Variants in FGF14 observed in about 807,000 individuals in gnomAD.
The protein encoded by FGF14 is fibroblast growth factor 14, also known as fibroblast growth factor homologous factor 4.
A neutral mutation model predicts 25.5 loss-of-function variants in FGF14; 5 were observed. The observed-to-expected ratio is 0.20, with a 90% CI of 0.10 to 0.41. The LOEUF is 0.41. FGF14 is among the 10% of genes least tolerant of loss of function. FGF14 has a pLI of 1.00. For synonymous variants in FGF14, 138 were observed against 118.3 expected (o/e 1.17, Z -1.08); for missense variants, 222 against 320.1 (o/e 0.69, Z 2.34).
rs529580796 is a variant in FGF14, at chr13:102,343,310, T to C, written c.208+58161A>G. Among the ~76,000 whole-genome samples, 12 of 152,276 alleles carry C rather than the reference T, an allele frequency of 7.9e-5. No individual in the cohort carries two copies. The East Asian group carries it at 1.7e-3, about 22-fold the overall frequency. ...GCAGATTATTGGTGCAAAGGAGGGA[T>C]TGGTCAATCCCTGGGGAGGATGAAC... On this transcript the variant is annotated intron_variant, in intron 1 of 4. Transcript: ENST00000376131.
At chr13:102,289,156 CCTT>C (rs1879385045) in intron 1 of FGF14, among the ~76,000 whole-genome samples, 1 of 152,158 alleles carries the variant, frequency 6.6e-6, no homozygotes, top group Non-Finnish European at 1.5e-5. Context: ...GTTCATCACT[CCTT>C]GAGTGTGGTC....
chr13:102,223,521 T>C (rs115341987), intron 1 of FGF14, among the ~76,000 whole-genome samples: 1,531 of 152,344 alleles, frequency 0.01, 31 homozygotes, highest in African/African-American at 0.034. Flanking sequence ...TTTGATATGA[T>C]AGTTTTATTC....
At chr13:102,260,812 T>C (rs2052682154) in intron 1 of FGF14, among the ~76,000 whole-genome samples, 1 of 152,210 alleles carries the variant, frequency 6.6e-6, no homozygotes, top group Admixed American at 6.5e-5. Flanking sequence ...GACATCCTGT[T>C]TCCGTGCTTA....
At chr13:101,906,669 GATAAT>G (rs2032286905) in intron 1 of FGF14, among the ~76,000 whole-genome samples, 1 of 152,116 alleles carries the variant, frequency 6.6e-6, no homozygotes. Flanking sequence ...CAATGGAAGA[GATAAT>G]ATTATCATGT....
At chr13:101,824,162 A>G (rs1462868748) in intron 3 of FGF14, among the ~76,000 whole-genome samples, 1 of 152,080 alleles carries the variant, frequency 6.6e-6, no homozygotes, top group Non-Finnish European at 1.5e-5. Context: ...CTTTTTTTTA[A>G]CACTTTAATG....
intron 1 of FGF14, among the ~76,000 whole-genome samples, chr13:102,286,622 T>A (rs1423097890): frequency 6.6e-6 from 1 of 152,192 alleles, no homozygotes; most frequent in Non-Finnish European, 1.5e-5. Flanking sequence ...GTGAATGTCA[T>A]AACTTCCATC....
intron 1 of FGF14, among the ~76,000 whole-genome samples, chr13:101,879,454 C>A (rs1402377495): frequency 1.3e-5 from 2 of 152,156 alleles, no homozygotes; most frequent in East Asian, 3.8e-4. Flanking sequence ...AAATACACAA[C>A]ATTTTTAATT....
chr13:101,745,504 A>T (rs2036830555), intron 3 of FGF14, among the ~76,000 whole-genome samples: 1 of 152,100 alleles, frequency 6.6e-6, no homozygotes. Context: ...TGTCCCACAC[A>T]TTCATCAATT....
chr13:102,176,334 G>C (rs939988928), intron 1 of FGF14, among the ~76,000 whole-genome samples: 15 of 151,996 alleles, frequency 9.9e-5, no homozygotes, highest in Non-Finnish European at 2.1e-4. Flanking sequence ...ACCAAATACC[G>C]TATGTCCTCA....
At chr13:102,345,813 C>A (rs956516842) in intron 1 of FGF14, among the ~76,000 whole-genome samples, 1 of 152,168 alleles carries the variant, frequency 6.6e-6, no homozygotes, top group African/African-American at 2.4e-5. Flanking sequence ...GGGCTCCAGG[C>A]AGGATTTCTC....
At chr13:102,378,614 T>TCTAC (rs2058097685) in intron 1 of FGF14, among the ~76,000 whole-genome samples, 1 of 131,992 alleles carries the variant, frequency 7.6e-6, no homozygotes, top group South Asian at 2.3e-4. Context: ...TATCTATCTA[T>TCTAC]CTATCTATCT....
intron 1 of FGF14, among the ~76,000 whole-genome samples, chr13:102,379,327 C>G (rs1298685298): frequency 6.6e-6 from 1 of 151,862 alleles, no homozygotes; most frequent in Non-Finnish European, 1.5e-5. Flanking sequence ...TGTCTTGACA[C>G]TAAAAGTAAA....
At chr13:101,913,435 G>C (rs1371594446) in intron 1 of FGF14, among the ~76,000 whole-genome samples, 1 of 152,126 alleles carries the variant, frequency 6.6e-6, no homozygotes, top group Non-Finnish European at 1.5e-5. Flanking sequence ...AGATAGGAAA[G>C]AGTGTGGGTG....
intron 1 of FGF14, among the ~76,000 whole-genome samples, chr13:102,021,505 T>C (rs1017813461): frequency 4.6e-5 from 7 of 151,760 alleles, no homozygotes; most frequent in Non-Finnish European, 7.4e-5. Context: ...TGGTGCCCTT[T>C]ATGAGTAGCT....
At chr13:102,391,322 C>A (rs1018420538) in intron 1 of FGF14, among the ~76,000 whole-genome samples, 1 of 152,164 alleles carries the variant, frequency 6.6e-6, no homozygotes, top group Non-Finnish European at 1.5e-5. Context: ...GCATATCAGA[C>A]CACATACTAA....
chr13:101,798,529 G>A (rs958374831), intron 3 of FGF14, among the ~76,000 whole-genome samples: 2 of 152,094 alleles, frequency 1.3e-5, no homozygotes, highest in Non-Finnish European at 2.9e-5. Flanking sequence ...TATCTAAACT[G>A]AATAGCACTC....
At chr13:102,132,013 T>G (rs56340346) in intron 1 of FGF14, among the ~76,000 whole-genome samples, 3,968 of 152,250 alleles carry the variant, frequency 0.026, 159 homozygotes, top group African/African-American at 0.091. Context: ...AAATAAGTTT[T>G]TTTTGTTTTG....
chr13:102,341,865 T>C (rs976625143), intron 1 of FGF14, among the ~76,000 whole-genome samples: 1 of 152,166 alleles, frequency 6.6e-6, no homozygotes, highest in Non-Finnish European at 1.5e-5. Context: ...CCAAGACTAT[T>C]TGCATTTGTC....
In FGF14 at chr13:101,965,141, C is replaced by A. The variant is rs556941705; in HGVS notation, c.209-89845G>T. On this transcript the variant is annotated intron_variant, in intron 1 of 4. Transcript: ENST00000376131. ...GGAGGCACCCGTAATCCCAGCTACT[C>A]GAGGGGCTGAGGCATGAGAATTGCT... Among the ~76,000 whole-genome samples the A allele has an allele frequency of 3.3e-5, 5 of 151,666 alleles. No homozygotes were observed. In the East Asian group the frequency reaches 9.7e-4, roughly 29 times the overall value.
Sources: allele counts gnomAD v4.1 joint callset (sites outside exome capture counted in the v4.1 genomes callset), GRCh38; gene constraint gnomAD v4.1.1; transcripts MANE v1.5; gene names NCBI Gene and HGNC (gene_info 2026-07-23, HGNC 2026-07-21).